The following SUCLG2 variants were observed in gnomAD, a reference collection of about 807,000 sequenced individuals.
SUCLG2 encodes the protein succinate-CoA ligase GDP-forming subunit beta.
Under a neutral mutation model 47.9 loss-of-function variants are expected in SUCLG2, and 42 were observed. The ratio of observed to expected loss-of-function variants is 0.88; its 90% CI spans 0.69 to 1.14. The LOEUF (loss-of-function observed/expected upper bound fraction) is 1.14. SUCLG2 is among the 50% of genes most tolerant of loss of function. The pLI is 0.00. For missense variants in SUCLG2, 571 were observed against 525.9 expected, an observed-to-expected ratio of 1.09 and a Z score of -0.84; for synonymous variants, 195 against 197.3, an observed-to-expected ratio of 0.99 and a Z score of 0.10.
chr3:67,617,478 T>A (rs7433191), intron 1 of SUCLG2, among the ~76,000 whole-genome samples: 1 of 152,304 alleles, frequency 6.6e-6, no homozygotes, highest in African/African-American at 2.4e-5. Flanking sequence ...TCTTTTTCCC[T>A]CCATGTTCAG....
intron 2 of SUCLG2, among the ~76,000 whole-genome samples, chr3:67,537,722 T>C (rs1279199255): frequency 6.6e-6 from 1 of 152,212 alleles, no homozygotes; most frequent in Admixed American, 6.5e-5. Context: ...CCACATCCTC[T>C]CCAGCATCTA....
At chr3:67,526,608 C>A (rs1301381516) in intron 4 of SUCLG2, among the ~76,000 whole-genome samples, 2 of 152,170 alleles carry the variant, frequency 1.3e-5, no homozygotes, top group Non-Finnish European at 2.9e-5. Context: ...TGTTCAACAT[C>A]TTTAGCCATT....
chr3:67,479,270 T>C (rs1300447961), intron 9 of SUCLG2, among the ~76,000 whole-genome samples: 1 of 151,736 alleles, frequency 6.6e-6, no homozygotes, highest in Non-Finnish European at 1.5e-5. Flanking sequence ...AAAAGGAGCT[T>C]GTACAAAGAG....
rs76866218 is a variant in SUCLG2, at chr3:67,478,833, C to A, written c.1062+16965G>T. ...ATCGGGTCAGCGTCTCACCATACTA[C>A]TGGGACTCTTGTGCTTAAAGGCACT... On this transcript the variant is annotated intron_variant, in intron 9 of 10. Coordinates refer to ENST00000307227, the MANE Select transcript of SUCLG2 (RefSeq NM_003848.4). Among the ~76,000 whole-genome samples the A allele has an allele frequency of 4.4e-3, 677 of 152,306 alleles. 11 individuals are homozygous for A. In the East Asian group the frequency reaches 0.058, roughly 13 times the overall value.
chr3:67,487,497 T>TACACACACACAC (rs780375893), intron 9 of SUCLG2, among the ~76,000 whole-genome samples: 13 of 55,048 alleles, frequency 2.4e-4, no homozygotes, highest in African/African-American at 4.4e-4. Context: ...CAAACACACA[T>TACACACACACAC]ATACACACAC....
At chr3:67,430,442 C>T (rs935532003) in intron 9 of SUCLG2, among the ~76,000 whole-genome samples, 7 of 152,136 alleles carry the variant, frequency 4.6e-5, no homozygotes, top group Non-Finnish European at 1.0e-4. Flanking sequence ...CTGAGACACA[C>T]TTAAAGCAGT....
rs576168382 is a variant in SUCLG2 at position 67,560,668 on chromosome 3, T to C, written c.227-31482A>G. ...GATACCTAAATGGTTCTCTTCACTA[T>C]GCCCCCAACCCCAGGAGTAAACTCA... On this transcript the variant is annotated intron_variant, in intron 2 of 10. Transcript: ENST00000307227. Among the ~76,000 whole-genome samples the C allele has an allele frequency of 5.1e-4, 78 of 152,290 alleles. 1 individual carries two copies. Among genetic ancestry groups the C allele is most frequent in the South Asian group, 2.1e-3 (10 of 4,822 alleles).
intron 2 of SUCLG2, among the ~76,000 whole-genome samples, chr3:67,532,895 C>T (rs1297259061): frequency 6.6e-6 from 1 of 151,906 alleles, no homozygotes; most frequent in Non-Finnish European, 1.5e-5. Flanking sequence ...AATTATAATG[C>T]AGTTTTATAG....
At chr3:67,593,648 A>G (rs1440146405) in intron 2 of SUCLG2, among the ~76,000 whole-genome samples, 1 of 152,038 alleles carries the variant, frequency 6.6e-6, no homozygotes, top group Non-Finnish European at 1.5e-5. Context: ...CCATTAATCT[A>G]TTTACCACAG....
intron 10 of SUCLG2, among the ~76,000 whole-genome samples, chr3:67,392,933 G>A (rs1458332168): frequency 6.6e-6 from 1 of 151,984 alleles, no homozygotes; most frequent in Non-Finnish European, 1.5e-5. Context: ...TCCTGCCTCA[G>A]TCTCCTGCTC....
At chr3:67,628,965 G>A (rs1345557046) in intron 1 of SUCLG2, among the ~76,000 whole-genome samples, 2 of 152,196 alleles carry the variant, frequency 1.3e-5, no homozygotes, top group Non-Finnish European at 2.9e-5. Context: ...AGAGAACAAG[G>A]AAGAACAGAC....
At chr3:67,459,136 T>G (rs1704262318) in intron 9 of SUCLG2, among the ~76,000 whole-genome samples, 1 of 152,184 alleles carries the variant, frequency 6.6e-6, no homozygotes, top group African/African-American at 2.4e-5. Context: ...GGCAGCTGTT[T>G]TGTGTGTGTG....
chr3:67,386,430 C>A (rs549496651), intron 10 of SUCLG2, among the ~76,000 whole-genome samples: 3 of 152,254 alleles, frequency 2.0e-5, no homozygotes, highest in Admixed American at 6.5e-5. Flanking sequence ...AGCAGCCCCA[C>A]TGAGTCAACA....
chr3:67,409,005 C>T, intron 9 of SUCLG2: 2 of 1,535,306 alleles, frequency 1.3e-6, no homozygotes, highest in Admixed American at 2.0e-5. Flanking sequence ...ATTCTGGTGC[C>T]CAAGTATTTC....
intron 9 of SUCLG2, among the ~76,000 whole-genome samples, chr3:67,423,556 T>C (rs1432112008): frequency 6.6e-6 from 1 of 152,164 alleles, no homozygotes; most frequent in Non-Finnish European, 1.5e-5. Flanking sequence ...TTTCTGTGCC[T>C]GGCATTTGAG....
chr3:67,508,965 G>A (rs1440061820), intron 6 of SUCLG2, 62 bp from the exon 7 acceptor site: 2 of 1,300,500 alleles, frequency 1.5e-6, no homozygotes, highest in Non-Finnish European at 2.2e-6. Context: ...TATTTTGCTG[G>A]ATTAATGAAA....
intron 1 of SUCLG2, among the ~76,000 whole-genome samples, chr3:67,621,284 G>A (rs189609612): frequency 6.6e-6 from 1 of 152,160 alleles, no homozygotes; most frequent in Admixed American, 6.5e-5. Flanking sequence ...AAAGTTTGGT[G>A]ATGAGGTAAA....
chr3:67,643,959 G>A (rs1701147143), intron 1 of SUCLG2, among the ~76,000 whole-genome samples: 1 of 152,180 alleles, frequency 6.6e-6, no homozygotes. Flanking sequence ...TTACAGGCGT[G>A]AGCCACCGCC....
intron 9 of SUCLG2, among the ~76,000 whole-genome samples, chr3:67,413,601 T>A (rs1398763321): frequency 6.6e-6 from 1 of 152,150 alleles, no homozygotes; most frequent in Non-Finnish European, 1.5e-5. Context: ...CTGTTAACAG[T>A]CAACCAAAAA....
Sources: allele counts gnomAD v4.1 joint callset (sites outside exome capture counted in the v4.1 genomes callset), GRCh38; gene constraint gnomAD v4.1.1; transcripts MANE v1.5; gene names NCBI Gene and HGNC (gene_info 2026-07-23, HGNC 2026-07-21).